The following NUP133 variants were observed in gnomAD, a reference collection of about 807,000 sequenced individuals.
NUP133 encodes nucleoporin 133.
Under a neutral mutation model 146.2 loss-of-function variants are expected in NUP133, and 66 were observed. The ratio of observed to expected loss-of-function variants is 0.45; its 90% CI spans 0.37 to 0.55. NUP133 has a LOEUF of 0.55. Among genes scored for constraint, NUP133 ranks in the 20% least tolerant of loss-of-function variants. The probability of loss-of-function intolerance (pLI) is 0.00; values close to 1 mark genes in which losing one functional copy is unlikely to be tolerated. For synonymous variants in NUP133, 521 were observed against 498.8 expected, an observed-to-expected ratio of 1.04 and a Z score of -0.59; for missense variants, 1,277 against 1,374.8, an observed-to-expected ratio of 0.93 and a Z score of 1.12.
intron 9 of NUP133, 32 bp from the exon 10 acceptor site, chr1:229,487,645 A>C (rs1277707807): frequency 6.6e-7 from 1 of 1,514,452 alleles, no homozygotes; most frequent in Non-Finnish European, 9.0e-7. Flanking sequence ...ACATTTAACA[A>C]GAAGTAAAAC....
intron 22 of NUP133, among the ~76,000 whole-genome samples, chr1:229,451,361 T>C (rs1660445274): frequency 6.6e-6 from 1 of 152,032 alleles, no homozygotes; most frequent in African/African-American, 2.4e-5. Context: ...ACAGGGCCAC[T>C]GCACTCCAGC....
chr1:229,486,884 C>G (rs1191160056), intron 10 of NUP133, among the ~76,000 whole-genome samples: 3 of 146,668 alleles, frequency 2.0e-5, no homozygotes, highest in Non-Finnish European at 4.5e-5. Context: ...TAACTTACCA[C>G]ATCAGTCAAT....
chr1:229,455,035 G>A (rs777854189), intron 21 of NUP133, among the ~76,000 whole-genome samples: 58 of 152,286 alleles, frequency 3.8e-4, no homozygotes, highest in Non-Finnish European at 6.6e-4. Flanking sequence ...AGGCGAAGGA[G>A]CATAAATTAA....
At chr1:229,469,887 A>C (rs1660914596) in intron 15 of NUP133, among the ~76,000 whole-genome samples, 1 of 152,176 alleles carries the variant, frequency 6.6e-6, no homozygotes, top group Admixed American at 6.5e-5. Flanking sequence ...TTAGCTGGGC[A>C]TGGTGGCACA....
intron 19 of NUP133, among the ~76,000 whole-genome samples, chr1:229,461,129 A>G (rs1660681653): frequency 6.6e-6 from 1 of 152,216 alleles, no homozygotes; most frequent in Non-Finnish European, 1.5e-5. Flanking sequence ...CAGTAGCCCC[A>G]TGTGGCCAGT....
chr1:229,474,423 A>G (rs922345704), intron 14 of NUP133, among the ~76,000 whole-genome samples: 2 of 152,238 alleles, frequency 1.3e-5, no homozygotes, highest in African/African-American at 4.8e-5. Flanking sequence ...ATAACAAAAA[A>G]AGAGAGACTC....
At chr1:229,490,401 TAAAA>T (rs201590753) in intron 8 of NUP133, among the ~76,000 whole-genome samples, 4 of 127,480 alleles carry the variant, frequency 3.1e-5, no homozygotes, top group Admixed American at 1.6e-4. Context: ...TATTCAGTAG[TAAAA>T]AAAAAAAAAA....
In NUP133 at chr1:229,484,108, A is replaced by G. The variant is rs749807234; in HGVS notation, c.1538T>C (p.Ile513Thr). ...CAACTTGATTTTATCTTCCTGGGCT[A>G]TAGTTTCATTCTTTGTAGTGGTCTC... ...IFETTTKNET[I>T]AQEDKIKLLK... The change falls in exon 12 of 26, where the codon ATA (isoleucine) becomes ACA (threonine). Residue 513 changes from isoleucine (I) to threonine (T), a missense_variant. Around this residue, in one of 3 missense-constraint regions of NUP133, gnomAD observed 952 missense variants for 1,047.0 expected, o/e 0.91. Transcript: ENST00000261396. 2 of 1,613,670 alleles carry G rather than the reference A, an allele frequency of 1.2e-6. No homozygotes were observed. Among genetic ancestry groups the G allele is most frequent in the South Asian group, 2.2e-5 (2 of 91,034 alleles).
chr1:229,471,290 G>A (rs983284381), intron 14 of NUP133, among the ~76,000 whole-genome samples: 1 of 152,020 alleles, frequency 6.6e-6, no homozygotes, highest in Non-Finnish European at 1.5e-5. Flanking sequence ...CTTTATTTTT[G>A]TAGAGATGGG....
chr1:229,497,026 T>C (rs1224577546), intron 6 of NUP133, among the ~76,000 whole-genome samples: 3 of 152,222 alleles, frequency 2.0e-5, no homozygotes, highest in African/African-American at 7.2e-5. Context: ...TACTTAATCA[T>C]GAAGTATAGA....
intron 2 of NUP133, among the ~76,000 whole-genome samples, chr1:229,502,558 C>CAAAAAAAAA (rs58520087): frequency 2.3e-5 from 1 of 43,084 alleles, no homozygotes; most frequent in Non-Finnish European, 4.3e-5. Flanking sequence ...GACTCCATCT[C>CAAAAAAAAA]AAAAAAAAAA....
rs1660184316 is a variant in NUP133, at chr1:229,441,607, G to T, written c.*297C>A. ...AGGCCTAGAAGTGATTTGTACATGT[G>T]AGCAGCTAGAACCAGGACAAGAACT... On this transcript the variant is annotated 3_prime_UTR_variant, in exon 26 of 26. Coordinates refer to ENST00000261396, the MANE Select transcript of NUP133 (RefSeq NM_018230.3). 5.1e-6 allele frequency: 2 copies of T among 392,028 alleles called. No homozygotes were observed. The highest frequency in any genetic ancestry group is 4.3e-5 in the South Asian group (2 of 46,910). 24.3% of individuals were successfully genotyped at this position (392,028 alleles called of 1,614,324 possible).
At chr1:229,467,346 C>A (rs1660849066) in intron 15 of NUP133, among the ~76,000 whole-genome samples, 1 of 152,152 alleles carries the variant, frequency 6.6e-6, no homozygotes, top group Non-Finnish European at 1.5e-5. Flanking sequence ...TTAAGCTTTC[C>A]CCCCATTATT....
intron 8 of NUP133, among the ~76,000 whole-genome samples, chr1:229,493,477 G>A (rs147303684): frequency 6.6e-6 from 1 of 152,200 alleles, no homozygotes. Context: ...ACCCAGCCCA[G>A]CTACTCACTG....
chr1:229,451,405 TAAAAAAAAATTG>T (rs1558089232), intron 22 of NUP133, among the ~76,000 whole-genome samples: 1 of 150,794 alleles, frequency 6.6e-6, no homozygotes, highest in East Asian at 2.0e-4. Context: ...ATCTTGTCTC[TAAAAAAAAATTG>T]AGACCTACAA....
At chr1:229,501,973 G>A (rs1055540367) in intron 3 of NUP133, 26 bp downstream of exon 3, 2 of 1,511,614 alleles carry the variant, frequency 1.3e-6, no homozygotes, top group Non-Finnish European at 1.8e-6. Context: ...CCTCTATCTT[G>A]TTCCAGCTCT....
chr1:229,485,817 T>G lies in NUP133; in HGVS notation c.1500+554A>C, dbSNP rs1438790649. 2.6e-5 allele frequency among the ~76,000 whole-genome samples: 4 copies of G among 152,260 alleles called. No individual in the cohort carries two copies. In the East Asian group the frequency reaches 7.7e-4, roughly 29 times the overall value. ...AAGAACTAATGTCTGCATCATTACGTCTTTGAAAACTGTCTCAGTTTTGAG... is the reference window on the plus strand; with the variant it reads ...AAGAACTAATGTCTGCATCATTACGGCTTTGAAAACTGTCTCAGTTTTGAG... On this transcript the variant is annotated intron_variant, in intron 11 of 25. Transcript: ENST00000261396.
intron 12 of NUP133, 102 bp from the exon 13 acceptor site, chr1:229,477,862 A>G: frequency 1.2e-6 from 1 of 824,968 alleles, no homozygotes. Context: ...CAAAAAAAAG[A>G]ATGCGATCCT....
chr1:229,506,690 TGA>T (rs1414702348), intron 1 of NUP133, among the ~76,000 whole-genome samples: 1 of 151,856 alleles, frequency 6.6e-6, no homozygotes, highest in East Asian at 1.9e-4. Context: ...GAAGACTGCT[TGA>T]GACCAGGAGT....
Sources: gnomAD v4.1 joint callset for allele counts (sites outside exome capture counted in the v4.1 genomes callset) on GRCh38, gnomAD v4.1.1 for gene constraint, gnomAD v4.1.1 regional missense constraint, MANE v1.5 for transcripts, NCBI Gene and HGNC (gene_info 2026-07-23, HGNC 2026-07-21) for gene names.